GRM7: variants seen among roughly 807,000 people sequenced by gnomAD.
The protein encoded by GRM7 is metabotropic glutamate receptor 7.
Under a neutral mutation model 84.5 loss-of-function variants are expected in GRM7, and 35 were observed. That is an observed-to-expected ratio of 0.41 (90% CI 0.32 to 0.55). The LOEUF (loss-of-function observed/expected upper bound fraction) is 0.55. Ranked by LOEUF, GRM7 falls within the 20% of genes least tolerant of loss-of-function variation. The pLI, the probability that GRM7 is intolerant of heterozygous loss-of-function variation, is 0.19. For synonymous variants in GRM7, 487 were observed against 455.1 expected (o/e 1.07, Z -0.89); for missense variants, 1,003 against 1,194.6 (o/e 0.84, Z 2.36).
At chr3:7,097,149 G>A (rs1698885959) in intron 1 of GRM7, among the ~76,000 whole-genome samples, 1 of 152,100 alleles carries the variant, frequency 6.6e-6, no homozygotes, top group East Asian at 1.9e-4. Context: ...ACTTACTCAG[G>A]AGCAGGTAAA....
chr3:7,419,849 A>G (rs1012421218), intron 5 of GRM7, among the ~76,000 whole-genome samples: 4 of 152,000 alleles, frequency 2.6e-5, no homozygotes, highest in African/African-American at 4.8e-5. Context: ...AATTGGTGAC[A>G]TATATTTTTT....
chr3:7,145,378 C>T (rs1022248888), intron 1 of GRM7, among the ~76,000 whole-genome samples: 2 of 152,206 alleles, frequency 1.3e-5, no homozygotes, highest in Middle Eastern at 3.4e-3. Context: ...ACAAATGTTA[C>T]GGTGCTTTGA....
At chr3:7,021,868 T>C (rs1476126068) in intron 1 of GRM7, among the ~76,000 whole-genome samples, 4 of 152,224 alleles carry the variant, frequency 2.6e-5, no homozygotes, top group Non-Finnish European at 5.9e-5. Flanking sequence ...ATGGCATTTG[T>C]TGTTTCAGTA....
At chr3:7,736,580 T>G (rs1280171054) in intron 9 of GRM7, among the ~76,000 whole-genome samples, 1 of 152,168 alleles carries the variant, frequency 6.6e-6, no homozygotes, top group Non-Finnish European at 1.5e-5. Flanking sequence ...GAAATCCATA[T>G]AGCTATAGTT....
chr3:7,190,107 T>C (rs1274075748), intron 2 of GRM7, among the ~76,000 whole-genome samples: 1 of 152,210 alleles, frequency 6.6e-6, no homozygotes, highest in Non-Finnish European at 1.5e-5. Context: ...TTCTGTCTTG[T>C]GTCCTAAGCC....
At chr3:6,909,977 A>C (rs1443046318) in intron 1 of GRM7, among the ~76,000 whole-genome samples, 1 of 152,106 alleles carries the variant, frequency 6.6e-6, no homozygotes, top group Non-Finnish European at 1.5e-5. Context: ...CAATGGACTG[A>C]TCCTCCATAT....
chr3:7,246,841 A>G (rs1697779478), intron 2 of GRM7, among the ~76,000 whole-genome samples: 1 of 152,188 alleles, frequency 6.6e-6, no homozygotes, highest in African/African-American at 2.4e-5. Context: ...AATGAGCTAG[A>G]ACAGTCACTA....
At chr3:7,402,153 C>G (rs999716939) in intron 4 of GRM7, among the ~76,000 whole-genome samples, 1 of 152,174 alleles carries the variant, frequency 6.6e-6, no homozygotes, top group Non-Finnish European at 1.5e-5. Context: ...GAGTTTACAT[C>G]TCTTCTATAA....
rs73116036 is a variant in GRM7 at position 7,552,165 on chromosome 3, A to G, written c.1516-26257A>G. ...ATGTAAGTCTGAAATCCAGCCAGGC[A>G]GTCAAATCTTAAAGCTCCAGAATGA... On this transcript the variant is annotated intron_variant, in intron 7 of 9. Transcript: ENST00000357716. 3.7e-3 allele frequency among the ~76,000 whole-genome samples: 563 copies of G among 152,354 alleles called. 6 individuals carry two copies. The highest frequency in any genetic ancestry group is 0.013 in the African/African-American group (544 of 41,590).
chr3:7,043,904 T>A (rs982442611), intron 1 of GRM7, among the ~76,000 whole-genome samples: 1 of 152,134 alleles, frequency 6.6e-6, no homozygotes, highest in Non-Finnish European at 1.5e-5. Context: ...GGTCTCAAAC[T>A]CCAGGGCTCA....
chr3:7,049,971 T>G (rs996650563), intron 1 of GRM7, among the ~76,000 whole-genome samples: 3 of 151,802 alleles, frequency 2.0e-5, no homozygotes, highest in Non-Finnish European at 4.4e-5. Flanking sequence ...TTGTTTCTAC[T>G]CCAGGAGCAA....
At chr3:7,207,273 A>C (rs1031414660) in intron 2 of GRM7, among the ~76,000 whole-genome samples, 11 of 152,170 alleles carry the variant, frequency 7.2e-5, no homozygotes, top group African/African-American at 2.7e-4. Flanking sequence ...TCGTGCCTGC[A>C]TCTCATTCCT....
At chr3:7,416,454 T>C (rs1696162988) in intron 5 of GRM7, among the ~76,000 whole-genome samples, 2 of 152,114 alleles carry the variant, frequency 1.3e-5, no homozygotes, top group Non-Finnish European at 2.9e-5. Context: ...AATGTAGCTG[T>C]TTGAATACCG....
intron 1 of GRM7, among the ~76,000 whole-genome samples, chr3:7,038,578 C>A (rs997924437): frequency 1.3e-5 from 2 of 152,126 alleles, no homozygotes; most frequent in Non-Finnish European, 2.9e-5. Flanking sequence ...ACCTTGGATA[C>A]ACTTTCCAAA....
intron 2 of GRM7, among the ~76,000 whole-genome samples, chr3:7,289,026 A>G (rs1188565158): frequency 6.6e-6 from 1 of 152,200 alleles, no homozygotes; most frequent in Non-Finnish European, 1.5e-5. Flanking sequence ...TGAAGAAATG[A>G]GAACCGTCAC....
At position 7,146,761 on chromosome 3, in the gene GRM7, C is replaced by A. The variant is rs180887607; in HGVS notation, c.736+93C>A. 2.8e-5 allele frequency: 23 copies of A among 811,432 alleles called. No homozygotes were observed. The Admixed American group carries it at 4.0e-4, about 14-fold the overall frequency. The allele number at this position is 811,432 out of a possible 1,614,324, so 50.3% of individuals were successfully genotyped here. On this transcript the variant is annotated intron_variant, in intron 2 of 9. Coordinates refer to ENST00000357716, the MANE Select transcript of GRM7 (RefSeq NM_000844.4). ...AACTTCATTAAATAAACACTACAGACTCTTACATTCCCAGAGTCCTGTGAA... is the reference window on the plus strand; with the variant it reads ...AACTTCATTAAATAAACACTACAGAATCTTACATTCCCAGAGTCCTGTGAA...
At chr3:7,321,002 A>G (rs1700758326) in intron 4 of GRM7, among the ~76,000 whole-genome samples, 1 of 151,922 alleles carries the variant, frequency 6.6e-6, no homozygotes, top group Non-Finnish European at 1.5e-5. Context: ...TTTTTCAGCT[A>G]ATGTACCATT....
At chr3:7,496,518 A>G (rs1699707487) in intron 7 of GRM7, among the ~76,000 whole-genome samples, 1 of 152,224 alleles carries the variant, frequency 6.6e-6, no homozygotes, top group African/African-American at 2.4e-5. Flanking sequence ...GAGGCATTAC[A>G]TCTAAAAGCA....
chr3:6,866,986 G>A (rs1391370744), intron 1 of GRM7, among the ~76,000 whole-genome samples: 1 of 152,154 alleles, frequency 6.6e-6, no homozygotes, highest in Admixed American at 6.5e-5. Context: ...TCCAACACAA[G>A]GAGAGACTTT....
Sources: allele counts gnomAD v4.1 joint callset (sites outside exome capture counted in the v4.1 genomes callset), GRCh38; gene constraint gnomAD v4.1.1; transcripts MANE v1.5; gene names NCBI Gene and HGNC (gene_info 2026-07-23, HGNC 2026-07-21).